SEPTIN9: variants seen among roughly 807,000 people sequenced by gnomAD.
SEPTIN9 encodes the protein septin-9.
Under a neutral mutation model 56.6 loss-of-function variants are expected in SEPTIN9, and 13 were observed. That is an observed-to-expected ratio of 0.23 (90% CI 0.15 to 0.37). The LOEUF is 0.37. Ranked by LOEUF, SEPTIN9 falls within the 10% of genes least tolerant of loss-of-function variation. The pLI is 1.00. For missense variants in SEPTIN9, 650 were observed against 823.1 expected, an observed-to-expected ratio of 0.79 and a Z score of 2.57; for synonymous variants, 332 against 334.1, an observed-to-expected ratio of 0.99 and a Z score of 0.07.
intron 3 of SEPTIN9, among the ~76,000 whole-genome samples, chr17:77,481,058 C>T (rs781446366): frequency 5.9e-5 from 9 of 152,298 alleles, no homozygotes; most frequent in Non-Finnish European, 1.2e-4. Flanking sequence ...GGACCTGGCC[C>T]GTGTACCAGC....
rs576775761 is a variant in SEPTIN9 at position 77,319,810 on chromosome 17, T to C, written c.76+12613T>C. 4 of 1,075,806 alleles carry C rather than the reference T, an allele frequency of 3.7e-6. No individual in the cohort carries two copies. The South Asian group carries it at 1.3e-4, about 34-fold the overall frequency. 66.6% of individuals were successfully genotyped at this position (1,075,806 alleles called of 1,614,324 possible). On this transcript the variant is annotated intron_variant, in intron 2 of 11. Transcript: ENST00000427177. This position sits in a 1 kb window ranked among gnomAD's most constrained non-coding sequence, Gnocchi z 5.3. ...TCGTCAGGAATTTGACTCTGTGAGT[T>C]GGTTTCCAAGAGTCTAAGTTAAGCA...
In SEPTIN9 at chr17:77,437,491, G is replaced by A. The variant is rs1004669459; in HGVS notation, c.721+34788G>A. Among the ~76,000 whole-genome samples the A allele has an allele frequency of 6.6e-6, 1 of 152,106 alleles. No homozygotes were observed. The highest frequency in any genetic ancestry group is 1.5e-5 in the Non-Finnish European group (1 of 68,010). The stretch of plus-strand genomic sequence containing the variant: ...CCAGGGGATGGCTCTCAGTACTCTC[G>A]GGGGTCTCTCAGTGAGGTGGGAGGA... On this transcript the variant is annotated intron_variant, in intron 3 of 11. Transcript: ENST00000427177. This position sits in a 1 kb window ranked among gnomAD's most constrained non-coding sequence, Gnocchi z 5.3.
rs1376315872 is a variant in SEPTIN9 at position 77,445,772 on chromosome 17, G to C, written c.722-36372G>C. 4 of 256,676 alleles carry C rather than the reference G, an allele frequency of 1.6e-5. No individual in the cohort carries two copies. Among genetic ancestry groups the C allele is most frequent in the African/African-American group, 6.8e-5 (3 of 44,350 alleles). The allele number at this position is 256,676 out of a possible 1,614,324, so 15.9% of individuals were successfully genotyped here. Reference sequence around the variant, plus strand: ...TTGCTGTGGGATAGGCTGGCCAATGGTGCTCCCTCCCCTGTGACCCTTCTG... The same window carrying C: ...TTGCTGTGGGATAGGCTGGCCAATGCTGCTCCCTCCCCTGTGACCCTTCTG... On this transcript the variant is annotated intron_variant, in intron 3 of 11. Transcript: ENST00000427177. The surrounding 1 kb of genome is among the most constrained non-coding windows in gnomAD (Gnocchi z 4.7).
intron 2 of SEPTIN9, among the ~76,000 whole-genome samples, chr17:77,372,955 G>A (rs2034768615): frequency 6.6e-6 from 1 of 152,226 alleles, no homozygotes; most frequent in African/African-American, 2.4e-5. Flanking sequence ...ACAGCCTCCT[G>A]CAGAAGGACC....
rs94598 is a variant in SEPTIN9 at position 77,389,187 on chromosome 17, C to A, written c.77-12872C>A. On this transcript the variant is annotated intron_variant, in intron 2 of 11. Coordinates refer to ENST00000427177, the MANE Select transcript of SEPTIN9 (RefSeq NM_001113491.2). The surrounding 1 kb of genome is among the most constrained non-coding windows in gnomAD (Gnocchi z 4.3). ...GGGATGCATTTCTAAGAGCAGCATG[C>A]GTGAAGCCCGGGGTCTGGGCAAAGG... Among the ~76,000 whole-genome samples, 2 of 151,900 alleles carry A rather than the reference C, an allele frequency of 1.3e-5. No individual in the cohort carries two copies. Among genetic ancestry groups the A allele is most frequent in the African/African-American group, 4.8e-5 (2 of 41,342 alleles).
intron 1 of SEPTIN9, 66 bp downstream of exon 1, chr17:77,281,620 C>T (rs2143464252): frequency 6.8e-7 from 1 of 1,466,504 alleles, no homozygotes; most frequent in Non-Finnish European, 9.1e-7. Flanking sequence ...ACCTGAGTGC[C>T]TGCGGCCGGG....
Position 77,482,274 on chromosome 17 carries a change from C to T in SEPTIN9, c.852C>T (p.Ile284=). 6.2e-7 allele frequency: 1 copy of T among 1,613,290 alleles called. No homozygotes were observed. The highest frequency in any genetic ancestry group is 8.5e-7 in the Non-Finnish European group (1 of 1,179,892). Residue 284 remains isoleucine, a synonymous_variant, in exon 4 of 12, where the codon ATC becomes ATT. Transcript: ENST00000427177. ...TCGGCTACGTGGGGATTGACTCCAT[C>T]CTGGAGCAGATGCGCCGGAAGGCCA... The part of the protein sequence containing the change: ...VDFGYVGIDS[I]LEQMRRKAMK...
rs1417194350 is a variant in SEPTIN9, at chr17:77,487,453, A to G, written c.943A>G (p.Ile315Val). Residue 315 changes from isoleucine to valine, a missense_variant, in exon 5 of 12, where the codon ATC becomes GTC. By Grantham distance (29) the Ile-to-Val change is conservative. This residue lies in a region of SEPTIN9 where 333 missense variants were observed against 494.0 expected (regional missense o/e 0.67). Transcript: ENST00000427177. The surrounding 1 kb of genome is among the most constrained non-coding windows in gnomAD (Gnocchi z 4.3). ...GAGCGGCTTGGGTAAATCCACCTTA[A>G]TCAACACCCTCTTCAAATCCAAAAT... Reference protein sequence around the residue: ...GQSGLGKSTLINTLFKSKISR... With the variant: ...GQSGLGKSTLVNTLFKSKISR... 6.2e-7 allele frequency: 1 copy of G among 1,608,944 alleles called. No homozygotes were observed. Among genetic ancestry groups the G allele is most frequent in the Non-Finnish European group, 8.5e-7 (1 of 1,178,096 alleles).
intron 3 of SEPTIN9, among the ~76,000 whole-genome samples, chr17:77,440,678 C>T (rs1044506823): frequency 1.3e-5 from 2 of 152,232 alleles, no homozygotes; most frequent in Non-Finnish European, 2.9e-5. Flanking sequence ...AGGAAGGTGA[C>T]GCGTGATCAT....
chr17:77,386,997 C>T (rs544646695), intron 2 of SEPTIN9, among the ~76,000 whole-genome samples: 6 of 152,310 alleles, frequency 3.9e-5, no homozygotes, highest in East Asian at 3.9e-4. Context: ...GTGGGACACA[C>T]GGGTGACCTG....
intron 3 of SEPTIN9, among the ~76,000 whole-genome samples, chr17:77,411,046 G>A (rs551091506): frequency 6.6e-6 from 1 of 151,180 alleles, no homozygotes; most frequent in Non-Finnish European, 1.5e-5. Flanking sequence ...GATTGTGCCA[G>A]TGCAGTCCAG....
intron 2 of SEPTIN9, among the ~76,000 whole-genome samples, chr17:77,314,358 T>C (rs1371573197): frequency 6.8e-6 from 1 of 146,152 alleles, no homozygotes; most frequent in Non-Finnish European, 1.5e-5. Context: ...TTTTTTTTTT[T>C]TTTTTTGTAG....
chr17:77,459,777 G>A (rs1002918800), intron 3 of SEPTIN9, among the ~76,000 whole-genome samples: 6 of 151,716 alleles, frequency 4.0e-5, no homozygotes, highest in African/African-American at 1.2e-4. Flanking sequence ...CACAATCCTC[G>A]GCTCACTGCA....
Position 77,391,430 on chromosome 17 carries a change from G to A in SEPTIN9, c.77-10629G>A, listed in dbSNP as rs401427. 4.3e-3 allele frequency among the ~76,000 whole-genome samples: 659 copies of A among 152,206 alleles called. 6 individuals are homozygous for A. The highest frequency in any genetic ancestry group is 0.015 in the African/African-American group (622 of 41,504). On this transcript the variant is annotated intron_variant, in intron 2 of 11. Transcript: ENST00000427177. ...CCATCATCTCTGATCTCTGGCCCCT[G>A]TCTCCACGTGGCTTTCTCCCCCTGT... is the stretch of plus-strand genomic sequence containing the variant.
intron 1 of SEPTIN9, among the ~76,000 whole-genome samples, chr17:77,289,973 C>G (rs2143507457): frequency 6.6e-6 from 1 of 152,248 alleles, no homozygotes; most frequent in South Asian, 2.1e-4. Context: ...TTTATACTCC[C>G]CATAGAATGA....
chr17:77,293,823 G>T (rs1289054463), intron 1 of SEPTIN9, among the ~76,000 whole-genome samples: 1 of 152,264 alleles, frequency 6.6e-6, no homozygotes, highest in East Asian at 1.9e-4. Context: ...AACTGATCAG[G>T]CTGGACACAG....
At chr17:77,480,017 G>A (rs192771222) in intron 3 of SEPTIN9, among the ~76,000 whole-genome samples, 1 of 152,308 alleles carries the variant, frequency 6.6e-6, no homozygotes, top group Non-Finnish European at 1.5e-5. Flanking sequence ...TATTTCTGAA[G>A]GGGGAGCAGG....
Position 77,437,112 on chromosome 17 carries a change from G to A in SEPTIN9, c.721+34409G>A, listed in dbSNP as rs553007984. On this transcript the variant is annotated intron_variant, in intron 3 of 11. Coordinates refer to ENST00000427177, the MANE Select transcript of SEPTIN9 (RefSeq NM_001113491.2). This position sits in a 1 kb window ranked among gnomAD's most constrained non-coding sequence, Gnocchi z 5.3. ...CTGCTCTGCCTTCCCGTGCCCATTC[G>A]GTTGGCATCAGCATCCCTGCCTTGA... Among the ~76,000 whole-genome samples, 235 of 152,322 alleles carry A rather than the reference G, an allele frequency of 1.5e-3. No individual in the cohort carries two copies. The highest frequency in any genetic ancestry group is 2.9e-3 in the Non-Finnish European group (199 of 68,030).
intron 3 of SEPTIN9, among the ~76,000 whole-genome samples, chr17:77,410,107 A>G (rs1046320790): frequency 6.6e-6 from 1 of 152,146 alleles, no homozygotes; most frequent in African/African-American, 2.4e-5. Flanking sequence ...CTGACAGGCT[A>G]GAGTAGCCCA....
Sources: allele counts gnomAD v4.1 joint callset (sites outside exome capture counted in the v4.1 genomes callset), GRCh38; gene constraint gnomAD v4.1.1; regional missense constraint gnomAD v4.1.1; non-coding constraint Gnocchi (gnomAD v3.1); transcripts MANE v1.5; gene names NCBI Gene and HGNC (gene_info 2026-07-23, HGNC 2026-07-21).